DSCAM: variants seen among roughly 807,000 people sequenced by gnomAD.
The protein encoded by DSCAM is cell adhesion molecule DSCAM.
A neutral mutation model predicts 217.7 loss-of-function variants in DSCAM; 47 were observed. The ratio of observed to expected loss-of-function variants is 0.22; its 90% CI spans 0.17 to 0.28. The LOEUF is 0.28. Ranked by LOEUF, DSCAM falls within the 10% of genes least tolerant of loss-of-function variation. The probability of loss-of-function intolerance (pLI) is 1.00; values close to 1 mark genes in which losing one functional copy is unlikely to be tolerated. For synonymous variants in DSCAM, 1,056 were observed against 1,015.3 expected (o/e 1.04, Z -0.76); for missense variants, 2,080 against 2,618.3 (o/e 0.79, Z 4.49).
intron 3 of DSCAM, among the ~76,000 whole-genome samples, chr21:40,527,991 T>A (rs1568879933): frequency 6.6e-6 from 1 of 152,208 alleles, no homozygotes; most frequent in Admixed American, 6.5e-5. Context: ...CTGCCATCCA[T>A]CATCTCTGTG....
At chr21:40,600,272 G>C (rs888800483) in intron 3 of DSCAM, among the ~76,000 whole-genome samples, 1 of 152,214 alleles carries the variant, frequency 6.6e-6, no homozygotes, top group Admixed American at 6.5e-5. Context: ...CAGTGCTGGA[G>C]ACTGGATAGT....
At chr21:40,504,852 G>GA (rs77640683) in intron 3 of DSCAM, among the ~76,000 whole-genome samples, 11,118 of 150,574 alleles carry the variant, frequency 0.074, 648 homozygotes, top group African/African-American at 0.16. Flanking sequence ...TTTATTATCA[G>GA]AAAAAAATCT....
intron 8 of DSCAM, among the ~76,000 whole-genome samples, chr21:40,315,017 G>C (rs1339250436): frequency 6.6e-6 from 1 of 152,176 alleles, no homozygotes; most frequent in African/African-American, 2.4e-5. Flanking sequence ...TTCTCTATCA[G>C]TTACAACAGG....
chr21:40,708,605 G>C lies in DSCAM; in HGVS notation c.210C>G (p.Pro70=). ...LATGEEIYDV[P]GIRHVHPNGT... ...CGTTGGGGTGGACGTGGCGGATCCC[G>C]GGGACATCGTAGATCTCCTCGCCCG... is the stretch of plus-strand genomic sequence containing the variant. Residue 70 remains proline (P), a synonymous_variant, in exon 2 of 33, where the codon CCC becomes CCG. Coordinates refer to ENST00000400454, the MANE Select transcript of DSCAM (RefSeq NM_001389.5). 6.2e-7 allele frequency: 1 copy of C among 1,610,600 alleles called. No homozygotes were observed. The highest frequency in any genetic ancestry group is 8.5e-7 in the Non-Finnish European group (1 of 1,178,404).
At chr21:40,490,369 T>C (rs1319801174) in intron 3 of DSCAM, among the ~76,000 whole-genome samples, 1 of 152,222 alleles carries the variant, frequency 6.6e-6, no homozygotes, top group Admixed American at 6.5e-5. Flanking sequence ...GAATCTATAA[T>C]TGGATTCTAG....
intron 20 of DSCAM, among the ~76,000 whole-genome samples, chr21:40,099,718 G>A (rs147985755): frequency 6.6e-6 from 1 of 152,300 alleles, no homozygotes; most frequent in East Asian, 1.9e-4. Context: ...TTCCTAACAA[G>A]AGCTGTGAGG....
intron 3 of DSCAM, among the ~76,000 whole-genome samples, chr21:40,639,187 G>A (rs2089847175): frequency 6.6e-6 from 1 of 151,926 alleles, no homozygotes; most frequent in Non-Finnish European, 1.5e-5. Context: ...CCCGTCGCTG[G>A]GATCCACAGG....
chr21:40,353,808 AG>A (rs1294923294), intron 4 of DSCAM, 65 bp from the exon 5 acceptor site: 1 of 1,372,908 alleles, frequency 7.3e-7, no homozygotes, highest in Non-Finnish European at 9.5e-7. Flanking sequence ...TTAGAATTGT[AG>A]GACTTCATGT....
At chr21:40,349,136 C>CAAA (rs758386936) in intron 5 of DSCAM, among the ~76,000 whole-genome samples, 535 of 38,704 alleles carry the variant, frequency 0.014, 41 homozygotes, top group Admixed American at 0.029. Context: ...GACTCCATCT[C>CAAA]AAAAAAAAAA....
In DSCAM at chr21:40,055,854, G is replaced by T; in HGVS notation, c.4920-14C>A. Reference sequence around the variant, plus strand: ...CGGGTATTCTTACTGGGAATAAAATGGGGTAATGCATTAACAAATCCAGTT... The same window carrying T: ...CGGGTATTCTTACTGGGAATAAAATTGGGTAATGCATTAACAAATCCAGTT... On this transcript the variant is annotated splice_polypyrimidine_tract_variant and intron_variant, in intron 28 of 32. Transcript: ENST00000400454. The T allele has an allele frequency of 6.3e-6, 10 of 1,594,086 alleles. No individual in the cohort carries two copies. Among genetic ancestry groups the T allele is most frequent in the Non-Finnish European group, 8.6e-6 (10 of 1,161,920 alleles).
At chr21:40,653,127 G>A (rs756118466) in intron 3 of DSCAM, among the ~76,000 whole-genome samples, 1 of 152,168 alleles carries the variant, frequency 6.6e-6, no homozygotes, top group African/African-American at 2.4e-5. Flanking sequence ...TTTTTCCTTT[G>A]CTGATTTTAA....
chr21:40,417,233 A>G (rs904135021), intron 3 of DSCAM, among the ~76,000 whole-genome samples: 1 of 151,984 alleles, frequency 6.6e-6, no homozygotes, highest in African/African-American at 2.4e-5. Context: ...TACAGATTTA[A>G]TTTTATTATT....
chr21:40,811,240 T>C (rs1218969591), intron 1 of DSCAM, among the ~76,000 whole-genome samples: 3 of 152,192 alleles, frequency 2.0e-5, no homozygotes, highest in African/African-American at 7.2e-5. Flanking sequence ...CCATGTGATA[T>C]TTAAATACAA....
chr21:40,655,578 G>T (rs1757170523), intron 3 of DSCAM, among the ~76,000 whole-genome samples: 1 of 151,832 alleles, frequency 6.6e-6, no homozygotes, highest in African/African-American at 2.4e-5. Flanking sequence ...AAGTGGCTAG[G>T]ACTACAGGTG....
At chr21:40,619,501 A>G (rs2089450866) in intron 3 of DSCAM, among the ~76,000 whole-genome samples, 1 of 152,200 alleles carries the variant, frequency 6.6e-6, no homozygotes, top group Admixed American at 6.5e-5. Flanking sequence ...CAAGCATGAA[A>G]TAAAATATAT....
In DSCAM at chr21:40,144,870, G is replaced by T; in HGVS notation, c.3019-139C>A. The T allele has an allele frequency of 8.2e-7, 1 of 1,218,804 alleles. No individual in the cohort carries two copies. The highest frequency in any genetic ancestry group is 1.1e-6 in the Non-Finnish European group (1 of 875,702). The allele number at this position is 1,218,804 out of a possible 1,614,324, so 75.5% of individuals were successfully genotyped here. A position where few individuals can be genotyped will look rare whatever the true frequency, so the allele number is the denominator to read the frequency against. On this transcript the variant is annotated intron_variant, in intron 16 of 32. Coordinates refer to ENST00000400454, the MANE Select transcript of DSCAM (RefSeq NM_001389.5). The surrounding 1 kb of genome is among the most constrained non-coding windows in gnomAD (Gnocchi z 4.8). ...CTGGGGCGGTGGTCCGGTAGCAGCC[G>T]CAAACCCACGTACAGTGCAACTTGG...
intron 3 of DSCAM, among the ~76,000 whole-genome samples, chr21:40,674,626 C>CTTTTTTT (rs869239926): frequency 4.3e-4 from 45 of 105,872 alleles, no homozygotes; most frequent in African/African-American, 7.1e-4. Context: ...TTTTCTTTTT[C>CTTTTTTT]TTTTTCTTTT....
chr21:40,503,312 C>T (rs1422793089), intron 3 of DSCAM, among the ~76,000 whole-genome samples: 5 of 152,194 alleles, frequency 3.3e-5, no homozygotes, highest in African/African-American at 9.7e-5. Flanking sequence ...TGATATGCTT[C>T]GACCAAGAGG....
At chr21:40,083,781 G>T in intron 24 of DSCAM, 127 bp downstream of exon 24, 1 of 611,520 alleles carries the variant, frequency 1.6e-6, no homozygotes, top group Non-Finnish European at 2.8e-6. Flanking sequence ...TGGAGGGATT[G>T]TTTATATGAC....
Sources: gnomAD v4.1 joint callset for allele counts (sites outside exome capture counted in the v4.1 genomes callset) on GRCh38, gnomAD v4.1.1 for gene constraint, Gnocchi (gnomAD v3.1) non-coding constraint, MANE v1.5 for transcripts, NCBI Gene and HGNC (gene_info 2026-07-23, HGNC 2026-07-21) for gene names.